Variants in EXOC4 observed in about 807,000 individuals in gnomAD.
EXOC4 encodes SEC8-like 1.
Under a neutral mutation model 107.2 loss-of-function variants are expected in EXOC4, and 71 were observed. The observed-to-expected ratio is 0.66, with a 90% CI of 0.55 to 0.81. The LOEUF is 0.81. EXOC4 is among the 30% of genes least tolerant of loss of function. The pLI is 0.00. For missense variants in EXOC4, 1,108 were observed against 1,189.6 expected, an observed-to-expected ratio of 0.93 and a Z score of 1.01; for synonymous variants, 456 against 441.2, an observed-to-expected ratio of 1.03 and a Z score of -0.42.
the EXOC4 span, among the ~76,000 whole-genome samples, chr7:134,097,594 GCTGAGACAACCGT>G: frequency 6.6e-6 from 1 of 152,098 alleles, no homozygotes; most frequent in African/African-American, 2.4e-5. Flanking sequence ...GACTATTCTT[GCTGAGACAACCGT>G]CTGGGTGACC....
chr7:133,603,618 G>A (rs1456041543), intron 9 of EXOC4, among the ~76,000 whole-genome samples: 1 of 152,150 alleles, frequency 6.6e-6, no homozygotes, highest in Non-Finnish European at 1.5e-5. Flanking sequence ...ACGGGTATTT[G>A]TCTATCTAAA....
chr7:134,047,017 T>C (rs1478996084), intron 17 of EXOC4, among the ~76,000 whole-genome samples: 1 of 152,218 alleles, frequency 6.6e-6, no homozygotes. Flanking sequence ...ACCTCCTCAC[T>C]GGTGTGATCA....
At position 133,797,022 on chromosome 7, in the gene EXOC4, A is replaced by G. The variant is rs545911838; in HGVS notation, c.1515-20303A>G. 7.2e-5 allele frequency among the ~76,000 whole-genome samples: 11 copies of G among 152,344 alleles called. No individual in the cohort carries two copies. The South Asian group carries it at 2.3e-3, about 32-fold the overall frequency. ...AAAGCAGCCAGAGAAGCATACAGCT[A>G]TAGCAAAAACTAATCTGATGATGTC... On this transcript the variant is annotated intron_variant, in intron 10 of 17. Coordinates refer to ENST00000253861, the MANE Select transcript of EXOC4 (RefSeq NM_021807.4).
At chr7:133,628,766 G>A (rs966841412) in intron 9 of EXOC4, among the ~76,000 whole-genome samples, 4 of 152,140 alleles carry the variant, frequency 2.6e-5, no homozygotes, top group East Asian at 1.9e-4. Flanking sequence ...CATTGTTTCC[G>A]TTAATGAAGC....
chr7:134,007,656 G>C lies in EXOC4; in HGVS notation c.2528-20G>C. On this transcript the variant is annotated intron_variant, in intron 16 of 17. Transcript: ENST00000253861. ...ATCTGTCATCCGTTTTCTTTGCCCCGCACTGTGCTGACCCCTCAGGCCTGG... is the reference window on the plus strand; with the variant it reads ...ATCTGTCATCCGTTTTCTTTGCCCCCCACTGTGCTGACCCCTCAGGCCTGG... 6.3e-7 allele frequency: 1 copy of C among 1,593,922 alleles called. No individual in the cohort carries two copies.
chr7:134,049,579 C>T (rs1190200726), intron 17 of EXOC4, among the ~76,000 whole-genome samples: 3 of 152,208 alleles, frequency 2.0e-5, no homozygotes, highest in Non-Finnish European at 4.4e-5. Flanking sequence ...ATTAAGCCTT[C>T]CCTGGCTGCT....
At chr7:133,476,832 A>G (rs985776079) in intron 8 of EXOC4, among the ~76,000 whole-genome samples, 6 of 152,210 alleles carry the variant, frequency 3.9e-5, no homozygotes, top group Admixed American at 2.0e-4. Flanking sequence ...TCAACTGTAC[A>G]ATATCATAAA....
At chr7:133,286,011 G>A (rs1794268104) in intron 2 of EXOC4, among the ~76,000 whole-genome samples, 2 of 152,062 alleles carry the variant, frequency 1.3e-5, no homozygotes, top group Non-Finnish European at 2.9e-5. Context: ...CCTCCACCTT[G>A]GCCTCCCAAA....
rs184506824 is a variant in EXOC4, at chr7:133,704,340, C to A, written c.1514+74199C>A. Among the ~76,000 whole-genome samples, 161 of 152,228 alleles carry A rather than the reference C, an allele frequency of 1.1e-3. 1 individual carries two copies. The highest frequency in any genetic ancestry group is 3.7e-3 in the African/African-American group (154 of 41,544). ...TCAGCATGGAACTTCAACAGTTTAT[C>A]CTTGTTCTTCAGGTCATATATGGTG... On this transcript the variant is annotated intron_variant, in intron 10 of 17. Coordinates refer to ENST00000253861, the MANE Select transcript of EXOC4 (RefSeq NM_021807.4).
intron 6 of EXOC4, among the ~76,000 whole-genome samples, chr7:133,373,397 ATATAT>A (rs2150687334): frequency 6.6e-6 from 1 of 152,356 alleles, no homozygotes; most frequent in Admixed American, 6.5e-5. Context: ...CTTCTGGATT[ATATAT>A]GTATAGTCTA....
chr7:133,933,109 G>A (rs1232729475), intron 13 of EXOC4, among the ~76,000 whole-genome samples: 3 of 151,672 alleles, frequency 2.0e-5, no homozygotes, highest in Non-Finnish European at 4.4e-5. Flanking sequence ...AAGACTAAAT[G>A]GAGACAATTT....
Position 134,064,609 on chromosome 7 carries a change from A to G in EXOC4, c.*81A>G, listed in dbSNP as rs1024435928. 2.1e-6 allele frequency: 2 copies of G among 945,316 alleles called. No individual in the cohort carries two copies. Among genetic ancestry groups the G allele is most frequent in the Non-Finnish European group, 3.1e-6 (2 of 641,262 alleles). 58.6% of individuals were successfully genotyped at this position (945,316 alleles called of 1,614,324 possible). The stretch of plus-strand genomic sequence containing the variant: ...TTGGTATGTTATTGAGTATATTCTG[A>G]GCTTAGTTTTCTCTACAGTGATACT... On this transcript the variant is annotated 3_prime_UTR_variant, in exon 18 of 18. Transcript: ENST00000253861.
At chr7:133,902,869 A>AC (rs980969978) in intron 12 of EXOC4, among the ~76,000 whole-genome samples, 2 of 151,782 alleles carry the variant, frequency 1.3e-5, no homozygotes, top group African/African-American at 4.8e-5. Flanking sequence ...AACAAAACAA[A>AC]AAAAAAAAGA....
chr7:133,589,492 C>A (rs980377430), intron 9 of EXOC4, among the ~76,000 whole-genome samples: 1 of 152,192 alleles, frequency 6.6e-6, no homozygotes, highest in Non-Finnish European at 1.5e-5. Context: ...TGCTACAGTT[C>A]TTCAGAGAAG....
At chr7:133,969,056 C>T (rs554207106) in intron 14 of EXOC4, among the ~76,000 whole-genome samples, 3 of 152,076 alleles carry the variant, frequency 2.0e-5, no homozygotes, top group South Asian at 4.1e-4. Flanking sequence ...TTTTTTTTCT[C>T]TAATCTTGGC....
intron 10 of EXOC4, among the ~76,000 whole-genome samples, chr7:133,635,399 C>A (rs1001932271): frequency 1.3e-5 from 2 of 151,934 alleles, no homozygotes; most frequent in Non-Finnish European, 2.9e-5. Context: ...TTATTCTCTC[C>A]AAGTCTAAAA....
intron 10 of EXOC4, among the ~76,000 whole-genome samples, chr7:133,700,442 G>T (rs1332681417): frequency 6.6e-6 from 1 of 152,124 alleles, no homozygotes; most frequent in Non-Finnish European, 1.5e-5. Flanking sequence ...TATATTGGTT[G>T]TGGGCTCTTT....
At chr7:133,767,391 T>G (rs1796160881) in intron 10 of EXOC4, among the ~76,000 whole-genome samples, 1 of 151,810 alleles carries the variant, frequency 6.6e-6, no homozygotes, top group Non-Finnish European at 1.5e-5. Context: ...GTAACATATG[T>G]AAAGCATCTA....
intron 7 of EXOC4, among the ~76,000 whole-genome samples, chr7:133,463,968 A>C (rs994137413): frequency 1.8e-4 from 27 of 152,140 alleles, no homozygotes; most frequent in African/African-American, 6.5e-4. Context: ...CAAATAGATA[A>C]TATTATTTCT....
Sources: gnomAD v4.1 joint callset for allele counts (sites outside exome capture counted in the v4.1 genomes callset) on GRCh38, gnomAD v4.1.1 for gene constraint, MANE v1.5 for transcripts, NCBI Gene and HGNC (gene_info 2026-07-23, HGNC 2026-07-21) for gene names.